Variants in STAG1 observed in about 807,000 individuals in gnomAD.
STAG1 encodes the protein cohesin subunit SA-1.
STAG1 carries 26 observed loss-of-function variants against 170.9 expected under a neutral mutation model. The ratio of observed to expected loss-of-function variants is 0.15; its 90% CI spans 0.11 to 0.21. STAG1 has a LOEUF of 0.21. Among genes scored for constraint, STAG1 ranks in the 10% least tolerant of loss-of-function variants. The pLI is 1.00. For synonymous variants in STAG1, 514 were observed against 497.7 expected, an observed-to-expected ratio of 1.03 and a Z score of -0.44; for missense variants, 964 against 1,509.5, an observed-to-expected ratio of 0.64 and a Z score of 5.99.
intron 1 of STAG1, among the ~76,000 whole-genome samples, chr3:136,698,328 T>C (rs1291017714): frequency 6.6e-6 from 1 of 151,858 alleles, no homozygotes; most frequent in African/African-American, 2.4e-5. Context: ...CATCAAAAAG[T>C]GGGCAAAAGA....
intron 1 of STAG1, among the ~76,000 whole-genome samples, chr3:136,650,429 T>C (rs1244178811): frequency 6.6e-6 from 1 of 152,214 alleles, no homozygotes; most frequent in Non-Finnish European, 1.5e-5. Flanking sequence ...TTTTATTCTT[T>C]GCTTTTGCAT....
chr3:136,566,232 T>C (rs1267551219), intron 5 of STAG1, among the ~76,000 whole-genome samples: 1 of 152,144 alleles, frequency 6.6e-6, no homozygotes, highest in African/African-American at 2.4e-5. Context: ...AGTGGGACCC[T>C]CATGAATGAG....
At chr3:136,729,781 G>T (rs561914247) in intron 1 of STAG1, among the ~76,000 whole-genome samples, 2 of 147,274 alleles carry the variant, frequency 1.4e-5, no homozygotes, top group African/African-American at 4.9e-5. Context: ...ATTTTGCTAT[G>T]TTGGCCAGGC....
intron 16 of STAG1, among the ~76,000 whole-genome samples, chr3:136,431,234 ATTTGT>A (rs1235684850): frequency 1.3e-5 from 2 of 150,312 alleles, no homozygotes; most frequent in Non-Finnish European, 3.0e-5. Flanking sequence ...CTTCTTGTGG[ATTTGT>A]TTTATCACCT....
intron 1 of STAG1, among the ~76,000 whole-genome samples, chr3:136,740,969 C>T (rs1934637923): frequency 6.6e-6 from 1 of 152,188 alleles, no homozygotes; most frequent in Admixed American, 6.5e-5. Context: ...AAAAGGGAAA[C>T]TGAGAAAATT....
At chr3:136,614,019 G>A (rs1027024980) in intron 3 of STAG1, among the ~76,000 whole-genome samples, 4 of 151,914 alleles carry the variant, frequency 2.6e-5, no homozygotes, top group East Asian at 1.9e-4. Context: ...GTTTGAGACC[G>A]GCCTGGCCAG....
chr3:136,451,989 A>G (rs764986005), intron 14 of STAG1, 44 bp downstream of exon 14: 13 of 1,221,316 alleles, frequency 1.1e-5, no homozygotes, highest in Non-Finnish European at 1.5e-5. Context: ...TTTAAAATGT[A>G]ATATAATAAA....
At chr3:136,401,569 T>C (rs1384639436) in intron 21 of STAG1, among the ~76,000 whole-genome samples, 1 of 152,184 alleles carries the variant, frequency 6.6e-6, no homozygotes, top group Non-Finnish European at 1.5e-5. Context: ...CTATTACATA[T>C]GGGTAGTGGT....
intron 1 of STAG1, among the ~76,000 whole-genome samples, chr3:136,649,542 T>C (rs932413898): frequency 1.4e-5 from 2 of 146,372 alleles, no homozygotes; most frequent in African/African-American, 5.0e-5. Flanking sequence ...CAGTTTGACT[T>C]AATAAATATT....
chr3:136,724,074 G>T (rs1218180562), intron 1 of STAG1, among the ~76,000 whole-genome samples: 2 of 151,614 alleles, frequency 1.3e-5, no homozygotes, highest in Non-Finnish European at 2.9e-5. Context: ...GAGCCCCTCT[G>T]CCCGGCCACC....
intron 24 of STAG1, among the ~76,000 whole-genome samples, chr3:136,367,836 C>A (rs901646472): frequency 2.6e-5 from 4 of 152,126 alleles, no homozygotes; most frequent in Admixed American, 6.6e-5. Flanking sequence ...AAGTGTGTTT[C>A]TTCCTCAAAT....
intron 3 of STAG1, among the ~76,000 whole-genome samples, chr3:136,619,069 G>C (rs1000999103): frequency 6.6e-5 from 10 of 151,774 alleles, no homozygotes; most frequent in Non-Finnish European, 1.0e-4. Context: ...GCAAAGAGTG[G>C]GAATATGATA....
At chr3:136,565,824 A>G (rs1213687570) in intron 5 of STAG1, among the ~76,000 whole-genome samples, 1 of 152,238 alleles carries the variant, frequency 6.6e-6, no homozygotes, top group Non-Finnish European at 1.5e-5. Flanking sequence ...TGATATATAC[A>G]TACGATGGAT....
intron 13 of STAG1, among the ~76,000 whole-genome samples, chr3:136,461,375 A>C (rs2089268768): frequency 6.6e-6 from 1 of 152,202 alleles, no homozygotes; most frequent in South Asian, 2.1e-4. Context: ...ATTGGAAAGA[A>C]GTCAAATCAT....
At chr3:136,404,902 TATTA>T (rs1249015031) in intron 21 of STAG1, among the ~76,000 whole-genome samples, 1 of 151,806 alleles carries the variant, frequency 6.6e-6, no homozygotes, top group East Asian at 1.9e-4. Context: ...TATACATGCA[TATTA>T]CCCACACCTA....
intron 6 of STAG1, among the ~76,000 whole-genome samples, chr3:136,537,185 T>C (rs952037193): frequency 1.3e-5 from 2 of 152,214 alleles, no homozygotes; most frequent in African/African-American, 2.4e-5. Context: ...CAGTGATGTA[T>C]GCAACACAAA....
rs557953843 is a variant in STAG1 at position 136,656,315 on chromosome 3, C to T, written c.-83-25334G>A. ...TTTTATTTAACGGGTATAGAGTTTC[C>T]AGTTTGCAAGATGAAAAAGAGTCCT... is the stretch of plus-strand genomic sequence containing the variant. On this transcript the variant is annotated intron_variant, in intron 1 of 33. Transcript: ENST00000383202. Among the ~76,000 whole-genome samples the T allele has an allele frequency of 2.4e-4, 36 of 152,036 alleles. No individual in the cohort carries two copies. The South Asian group carries it at 5.0e-3, about 21-fold the overall frequency.
intron 10 of STAG1, among the ~76,000 whole-genome samples, chr3:136,474,825 CTATCTT>C (rs1403152710): frequency 1.3e-5 from 2 of 152,176 alleles, no homozygotes; most frequent in Admixed American, 6.5e-5. Context: ...TTCAATATCT[CTATCTT>C]TCTCTGGAGA....
At chr3:136,632,316 G>A (rs1396876698) in intron 1 of STAG1, among the ~76,000 whole-genome samples, 1 of 152,146 alleles carries the variant, frequency 6.6e-6, no homozygotes, top group Non-Finnish European at 1.5e-5. Flanking sequence ...ACAAAGAGAG[G>A]GGTGCTTAAC....
Sources: allele counts gnomAD v4.1 joint callset (sites outside exome capture counted in the v4.1 genomes callset), GRCh38; gene constraint gnomAD v4.1.1; transcripts MANE v1.5; gene names NCBI Gene and HGNC (gene_info 2026-07-23, HGNC 2026-07-21).